Variants in LAMA2 observed in about 807,000 individuals in gnomAD.
LAMA2 encodes the protein laminin subunit alpha 2.
A neutral mutation model predicts 364.8 loss-of-function variants in LAMA2; 269 were observed. The ratio of observed to expected loss-of-function variants is 0.74; its 90% CI spans 0.67 to 0.82. The LOEUF is 0.82. LAMA2 is among the 40% of genes least tolerant of loss of function. The pLI, the probability that LAMA2 is intolerant of heterozygous loss-of-function variation, is 0.00. For missense variants in LAMA2, 3,807 were observed against 3,873.2 expected, an observed-to-expected ratio of 0.98 and a Z score of 0.45; for synonymous variants, 1,379 against 1,370.6, an observed-to-expected ratio of 1.01 and a Z score of -0.14.
intron 62 of LAMA2, among the ~76,000 whole-genome samples, chr6:129,509,058 G>C (rs977763535): frequency 1.3e-5 from 2 of 152,174 alleles, no homozygotes; most frequent in East Asian, 1.9e-4. Context: ...ACTTGGGTGA[G>C]ATGATAGCTC....
chr6:129,507,685 A>G (rs748368248), intron 62 of LAMA2, 43 bp downstream of exon 62: 6 of 1,577,822 alleles, frequency 3.8e-6, no homozygotes, highest in Non-Finnish European at 5.2e-6. Context: ...TTAACTAGAT[A>G]CAAATACTAA....
chr6:129,217,129 C>T (rs1327207531), intron 12 of LAMA2, among the ~76,000 whole-genome samples: 1 of 150,958 alleles, frequency 6.6e-6, no homozygotes, highest in Non-Finnish European at 1.5e-5. Context: ...GCGGAGGTTG[C>T]AGTGAGCTGA....
intron 16 of LAMA2, among the ~76,000 whole-genome samples, chr6:129,269,016 C>T (rs1026076409): frequency 6.6e-6 from 1 of 152,000 alleles, no homozygotes; most frequent in Non-Finnish European, 1.5e-5. Flanking sequence ...GTTTATTTTT[C>T]ATGGTTTTAA....
At position 128,990,766 on chromosome 6, in the gene LAMA2, T is replaced by G. The variant is rs142682717; in HGVS notation, c.113-59152T>G. Among the ~76,000 whole-genome samples the G allele has an allele frequency of 4.0e-3, 602 of 152,268 alleles. 8 individuals carry two copies. Among genetic ancestry groups the G allele is most frequent in the African/African-American group, 0.014 (571 of 41,574 alleles). On this transcript the variant is annotated intron_variant, in intron 1 of 64. Transcript: ENST00000421865. ...ACTACTTTCATTGTGTGGGTGTGTG[T>G]GTGTGCTGTTTGAAACAAATGAACT...
chr6:129,463,607 T>C (rs1487677766), intron 49 of LAMA2, among the ~76,000 whole-genome samples: 1 of 152,050 alleles, frequency 6.6e-6, no homozygotes, highest in African/African-American at 2.4e-5. Flanking sequence ...AGACTTATCT[T>C]AGATATTCAT....
intron 12 of LAMA2, among the ~76,000 whole-genome samples, chr6:129,212,879 GA>G (rs1783189901): frequency 6.6e-6 from 1 of 152,164 alleles, no homozygotes; most frequent in Admixed American, 6.6e-5. Context: ...TTCTCTGCAA[GA>G]GAAGCATACA....
intron 12 of LAMA2, among the ~76,000 whole-genome samples, chr6:129,208,386 A>G (rs868226705): frequency 2.0e-5 from 3 of 151,948 alleles, no homozygotes; most frequent in Non-Finnish European, 4.4e-5. Flanking sequence ...ATTATTATTA[A>G]CTCCAACTGG....
chr6:129,461,790 G>T (rs1783266147), intron 49 of LAMA2, among the ~76,000 whole-genome samples: 1 of 137,928 alleles, frequency 7.3e-6, no homozygotes, highest in Non-Finnish European at 1.6e-5. Context: ...AGGGTGTTTT[G>T]TAGGTTGCAG....
intron 35 of LAMA2, 86 bp from the exon 36 acceptor site, chr6:129,391,405 T>C (rs1779310233): frequency 9.1e-7 from 1 of 1,102,124 alleles, no homozygotes; most frequent in East Asian, 2.4e-5. Flanking sequence ...CATTTGGAGA[T>C]GGTGGTGCCC....
At chr6:129,116,326 T>C (rs576680930) in intron 4 of LAMA2, among the ~76,000 whole-genome samples, 13 of 152,268 alleles carry the variant, frequency 8.5e-5, no homozygotes, top group African/African-American at 3.1e-4. Context: ...AAAATGTTTT[T>C]AGAATTTTTC....
chr6:129,466,003 A>G (rs1488279980), intron 51 of LAMA2, among the ~76,000 whole-genome samples: 1 of 151,930 alleles, frequency 6.6e-6, no homozygotes, highest in African/African-American at 2.4e-5. Context: ...TCTGCAAATG[A>G]GACTTTGTTA....
At chr6:129,167,835 G>T (rs1414983792) in intron 9 of LAMA2, among the ~76,000 whole-genome samples, 1 of 151,036 alleles carries the variant, frequency 6.6e-6, no homozygotes, top group Non-Finnish European at 1.5e-5. Flanking sequence ...GTTGTTTCCT[G>T]ACTTTTTAAT....
At chr6:129,158,824 C>T in intron 8 of LAMA2, 4 of 1,614,118 alleles carry the variant, frequency 2.5e-6, no homozygotes, top group Non-Finnish European at 2.5e-6. Flanking sequence ...ATTTCATACA[C>T]CCTGAAGCTA....
chr6:128,973,813 C>G (rs1337942291), intron 1 of LAMA2, among the ~76,000 whole-genome samples: 1 of 152,112 alleles, frequency 6.6e-6, no homozygotes, highest in East Asian at 1.9e-4. Flanking sequence ...GTCACTTTAC[C>G]TACCCCACAA....
At chr6:129,271,330 T>C (rs1347510830) in intron 17 of LAMA2, among the ~76,000 whole-genome samples, 1 of 152,140 alleles carries the variant, frequency 6.6e-6, no homozygotes, top group Non-Finnish European at 1.5e-5. Flanking sequence ...AACACTTGAC[T>C]TCCTCATTTC....
intron 8 of LAMA2, chr6:129,158,325 G>A (rs1173497874): frequency 1.2e-6 from 2 of 1,613,852 alleles, no homozygotes; most frequent in Non-Finnish European, 8.5e-7. Context: ...GGCTTCTTCA[G>A]TGGTAAAGAA....
chr6:129,088,915 G>A (rs913603935), intron 3 of LAMA2, among the ~76,000 whole-genome samples: 6 of 152,172 alleles, frequency 3.9e-5, no homozygotes, highest in African/African-American at 1.2e-4. Flanking sequence ...ACGGGGTGGC[G>A]GCCGGGCAGA....
At chr6:128,974,109 A>G (rs1400141702) in intron 1 of LAMA2, among the ~76,000 whole-genome samples, 1 of 152,234 alleles carries the variant, frequency 6.6e-6, no homozygotes, top group Non-Finnish European at 1.5e-5. Context: ...AGACACCAGC[A>G]TGCTGTGCAC....
intron 14 of LAMA2, among the ~76,000 whole-genome samples, chr6:129,253,659 A>C (rs2114293088): frequency 6.6e-6 from 1 of 152,338 alleles, no homozygotes; most frequent in South Asian, 2.1e-4. Context: ...CAGCTTTCAA[A>C]ATGAATGACA....
Sources: gnomAD v4.1 joint callset for allele counts (sites outside exome capture counted in the v4.1 genomes callset) on GRCh38, gnomAD v4.1.1 for gene constraint, MANE v1.5 for transcripts, NCBI Gene and HGNC (gene_info 2026-07-23, HGNC 2026-07-21) for gene names.